ADAM12: variants seen among roughly 807,000 people sequenced by gnomAD.
ADAM12 encodes the protein ADAM metallopeptidase domain 12.
ADAM12 carries 70 observed loss-of-function variants against 106.4 expected under a neutral mutation model. The ratio of observed to expected loss-of-function variants is 0.66; its 90% CI spans 0.54 to 0.80. The LOEUF is 0.80. Ranked by LOEUF, ADAM12 falls within the 30% of genes least tolerant of loss-of-function variation. ADAM12 has a pLI of 0.00. For missense variants in ADAM12, 1,010 were observed against 1,171.9 expected (o/e 0.86, Z 2.02); for synonymous variants, 420 against 433.5 (o/e 0.97, Z 0.39).
At chr10:126,254,509 G>A (rs748726142) in intron 3 of ADAM12, among the ~76,000 whole-genome samples, 15 of 152,162 alleles carry the variant, frequency 9.9e-5, no homozygotes, top group Middle Eastern at 3.2e-3. Context: ...CTTCCCCTGC[G>A]GATGCTCTCC....
At chr10:126,119,529 T>C (rs1409677914) in intron 5 of ADAM12, among the ~76,000 whole-genome samples, 5 of 152,210 alleles carry the variant, frequency 3.3e-5, no homozygotes, top group Non-Finnish European at 7.3e-5. Flanking sequence ...CATCTGCTCA[T>C]AGGAATACTG....
At chr10:126,168,473 A>G (rs1190880005) in intron 3 of ADAM12, among the ~76,000 whole-genome samples, 3 of 152,166 alleles carry the variant, frequency 2.0e-5, no homozygotes, top group Non-Finnish European at 2.9e-5. Context: ...GATGATAAAC[A>G]TGCCGAACCC....
intron 21 of ADAM12, among the ~76,000 whole-genome samples, chr10:126,021,483 G>A (rs1351048860): frequency 1.3e-5 from 2 of 152,210 alleles, no homozygotes; most frequent in Non-Finnish European, 2.9e-5. Flanking sequence ...CCACAGGTGT[G>A]TGGAAGATAA....
In ADAM12 at chr10:126,015,734, A is replaced by C. The variant is rs1044125; in HGVS notation, c.*1545T>G. On this transcript the variant is annotated 3_prime_UTR_variant, in exon 23 of 23. Transcript: ENST00000448723. ...AAGCATAGGAAAACTGTTGACCCCCAAAAGAAGGCTTTCTCATAAAACACT... is the reference window on the plus strand; with the variant it reads ...AAGCATAGGAAAACTGTTGACCCCCCAAAGAAGGCTTTCTCATAAAACACT... The C allele has an allele frequency of 1.3e-5, 2 of 152,246 alleles. No individual in the cohort carries two copies. The highest frequency in any genetic ancestry group is 1.5e-5 in the Non-Finnish European group (1 of 68,036). The allele number at this position is 152,246 out of a possible 1,614,324, so 9.4% of individuals were successfully genotyped here.
At chr10:126,330,149 G>A (rs765355998) in intron 2 of ADAM12, among the ~76,000 whole-genome samples, 2 of 152,166 alleles carry the variant, frequency 1.3e-5, no homozygotes, top group Non-Finnish European at 2.9e-5. Flanking sequence ...GAACATGGAA[G>A]TTGTATATCT....
At chr10:126,084,325 G>C (rs1050875469) in intron 11 of ADAM12, among the ~76,000 whole-genome samples, 1 of 152,136 alleles carries the variant, frequency 6.6e-6, no homozygotes, top group Admixed American at 6.5e-5. Context: ...AGGGGCGGGG[G>C]ACACAGTGTC....
At chr10:126,312,280 A>G (rs1229545797) in intron 2 of ADAM12, among the ~76,000 whole-genome samples, 1 of 152,164 alleles carries the variant, frequency 6.6e-6, no homozygotes, top group Non-Finnish European at 1.5e-5. Context: ...CGGGGGACAC[A>G]AGATGGGTGC....
rs141162292 is a variant in ADAM12, at chr10:126,127,955, C to T, written c.416+7629G>A. ...GGAAACAGCCAAAAAAACAGCATGG[C>T]GGGAATAGGGTGGTTTCCTCAGGAA... On this transcript the variant is annotated intron_variant, in intron 5 of 22. Coordinates refer to ENST00000448723, the MANE Select transcript of ADAM12 (RefSeq NM_001288973.2). Among the ~76,000 whole-genome samples, 601 of 152,140 alleles carry T rather than the reference C, an allele frequency of 4.0e-3. 1 individual carries two copies. The highest frequency in any genetic ancestry group is 0.014 in the African/African-American group (563 of 41,526).
intron 14 of ADAM12, among the ~76,000 whole-genome samples, chr10:126,050,461 T>C (rs1954452595): frequency 2.0e-5 from 3 of 152,236 alleles, no homozygotes; most frequent in African/African-American, 7.2e-5. Flanking sequence ...ACATGCCACA[T>C]TCTTTAGAAC....
Position 126,126,046 on chromosome 10 carries a change from G to A in ADAM12, c.417-7822C>T, listed in dbSNP as rs547679606. Among the ~76,000 whole-genome samples, 254 of 152,242 alleles carry A rather than the reference G, an allele frequency of 1.7e-3. 2 individuals are homozygous for A. The highest frequency in any genetic ancestry group is 5.9e-3 in the African/African-American group (245 of 41,544). On this transcript the variant is annotated intron_variant, in intron 5 of 22. Coordinates refer to ENST00000448723, the MANE Select transcript of ADAM12 (RefSeq NM_001288973.2). ...TCAGACTTCTGGCCTGAAAAGCAGT[G>A]AGAGACTAAATTTCTGTTGTTTGAA...
intron 2 of ADAM12, among the ~76,000 whole-genome samples, chr10:126,308,840 T>C (rs559806161): frequency 6.6e-6 from 1 of 152,330 alleles, no homozygotes; most frequent in African/African-American, 2.4e-5. Context: ...GACCCTTTAA[T>C]ATCGTATCCA....
chr10:126,173,230 A>G (rs113696570), intron 3 of ADAM12, among the ~76,000 whole-genome samples: 1 of 152,338 alleles, frequency 6.6e-6, no homozygotes, highest in African/African-American at 2.4e-5. Context: ...CGTTCTGCAC[A>G]TGTACCCCAG....
rs147281033 is a variant in ADAM12 at position 126,059,541 on chromosome 10, G to A, written c.1609+5265C>T. Among the ~76,000 whole-genome samples the A allele has an allele frequency of 7.3e-3, 1,108 of 152,196 alleles. 18 individuals are homozygous for A. The highest frequency in any genetic ancestry group is 0.026 in the African/African-American group (1,065 of 41,516). ...GCAAAAATCTCTTTTTTTCCCATCT[G>A]TGGCCACAGGAGTTGTAGGTGATTC... On this transcript the variant is annotated intron_variant, in intron 14 of 22. Transcript: ENST00000448723.
At position 126,094,090 on chromosome 10, in the gene ADAM12, T is replaced by C. The variant is rs1387462221; in HGVS notation, c.1040A>G (p.His347Arg). ...CATCCCGAAATTGTGGCCCAGCTCA[T>C]GTGCCAGGGTCACGGCTGCACCAAG... ...NPLGAAVTLAHELGHNFGMNH... is the reference protein window; with the variant it reads ...NPLGAAVTLARELGHNFGMNH... Residue 347 changes from histidine to arginine, a missense_variant, in exon 11 of 23, where the codon CAT becomes CGT. This residue lies in a region of ADAM12 where 391 missense variants were observed against 442.9 expected (regional missense o/e 0.88). Coordinates refer to ENST00000448723, the MANE Select transcript of ADAM12 (RefSeq NM_001288973.2). 9 of 1,614,188 alleles carry C rather than the reference T, an allele frequency of 5.6e-6. No individual in the cohort carries two copies. Among genetic ancestry groups the C allele is most frequent in the Non-Finnish European group, 7.6e-6 (9 of 1,180,020 alleles).
chr10:126,350,083 C>G (rs370622954), intron 1 of ADAM12, among the ~76,000 whole-genome samples: 3 of 152,096 alleles, frequency 2.0e-5, no homozygotes, highest in African/African-American at 7.2e-5. Flanking sequence ...TGTCACTGGC[C>G]GGCCAATGAT....
At chr10:126,098,328 G>A (rs1318353935) in intron 10 of ADAM12, 88 bp downstream of exon 10, 2 of 1,042,868 alleles carry the variant, frequency 1.9e-6, no homozygotes, top group African/African-American at 1.6e-5. Flanking sequence ...TTAAAGGAAA[G>A]GATCTATCTT....
At chr10:126,058,659 A>G (rs1278266) in intron 14 of ADAM12, among the ~76,000 whole-genome samples, 60,348 of 152,044 alleles carry the variant, frequency 0.4, 12,443 homozygotes, top group East Asian at 0.51. Flanking sequence ...GAGCCCGCAG[A>G]CAACTCTCTG....
In ADAM12 at chr10:126,043,167, G is replaced by A. The variant is rs534726777; in HGVS notation, c.1996-19C>T. 3.7e-6 allele frequency: 6 copies of A among 1,611,498 alleles called. No homozygotes were observed. The East Asian group carries it at 1.3e-4, about 36-fold the overall frequency. ...TGCACACCTTTCAGGGCAGAGGGGAGGGACGTGGGGTTAGGGCATATGCTC... is the reference window on the plus strand; with the variant it reads ...TGCACACCTTTCAGGGCAGAGGGGAAGGACGTGGGGTTAGGGCATATGCTC... On this transcript the variant is annotated intron_variant, in intron 17 of 22. Transcript: ENST00000448723. This position sits in a 1 kb window ranked among gnomAD's most constrained non-coding sequence, Gnocchi z 4.1.
intron 3 of ADAM12, among the ~76,000 whole-genome samples, chr10:126,270,274 C>T (rs937152133): frequency 3.3e-5 from 5 of 152,142 alleles, no homozygotes; most frequent in African/African-American, 1.2e-4. Context: ...TTTTACACTG[C>T]AGGCATTAGG....
Sources: gnomAD v4.1 joint callset for allele counts (sites outside exome capture counted in the v4.1 genomes callset) on GRCh38, gnomAD v4.1.1 for gene constraint, gnomAD v4.1.1 regional missense constraint, Gnocchi (gnomAD v3.1) non-coding constraint, MANE v1.5 for transcripts, NCBI Gene and HGNC (gene_info 2026-07-23, HGNC 2026-07-21) for gene names.